CCSER2: variants seen among roughly 807,000 people sequenced by gnomAD.
CCSER2 encodes coiled-coil serine rich protein 2.
In CCSER2, 46 loss-of-function variants were observed where a neutral mutation model predicts 92.3. That is an observed-to-expected ratio of 0.50 (90% confidence interval 0.39 to 0.64). CCSER2 has a LOEUF of 0.64. Ranked by LOEUF, CCSER2 falls within the 30% of genes least tolerant of loss-of-function variation. The pLI is 0.00. For synonymous variants in CCSER2, 433 were observed against 431.4 expected (o/e 1.00, Z -0.04); for missense variants, 1,244 against 1,238.9 (o/e 1.00, Z -0.06).
At position 84,417,846 on chromosome 10, in the gene CCSER2, G is replaced by A. The variant is rs767737665; in HGVS notation, c.1690G>A (p.Ala564Thr). The change falls in exon 4 of 10, where the codon GCA (alanine) becomes ACA (threonine). Residue 564 changes from alanine to threonine, a missense_variant. Coordinates refer to ENST00000372088, the MANE Select transcript of CCSER2 (RefSeq NM_001284240.2). Reference sequence around the variant, plus strand: ...GCTTGATGTGGATCTGCCTGAGGATGCACCTCTTGAAAATGGTAAGTTGAG... The same window carrying A: ...GCTTGATGTGGATCTGCCTGAGGATACACCTCTTGAAAATGGTAAGTTGAG... The part of the protein sequence containing the change: ...LMLDVDLPED[A>T]PLENVECDNM... 1 of 1,560,596 alleles carries A rather than the reference G, an allele frequency of 6.4e-7. No homozygotes were observed. Among genetic ancestry groups the A allele is most frequent in the Non-Finnish European group, 8.8e-7 (1 of 1,131,432 alleles).
At chr10:84,498,382 C>G (rs1302292700) in intron 9 of CCSER2, among the ~76,000 whole-genome samples, 1 of 151,802 alleles carries the variant, frequency 6.6e-6, no homozygotes, top group South Asian at 2.1e-4. Flanking sequence ...ATAATAATTT[C>G]AAAAGATAAG....
Position 84,372,202 on chromosome 10 carries a change from G to T in CCSER2, c.1150G>T (p.Asp384Tyr). ...AAAAAACAACCAGACCATGAAACAT[G>T]ATGCTAAAATGAGATACCTGAGTGA... The part of the protein sequence containing the change: ...RTKNNQTMKH[D>Y]AKMRYLSDDV... The change falls in exon 2 of 10, where the codon GAT becomes TAT. Residue 384 changes from aspartate (D) to tyrosine (Y), a missense_variant. By Grantham distance (160) the Asp-to-Tyr change is radical. Coordinates refer to ENST00000372088, the MANE Select transcript of CCSER2 (RefSeq NM_001284240.2). 1 of 1,613,532 alleles carries T rather than the reference G, an allele frequency of 6.2e-7. No homozygotes were observed. Among genetic ancestry groups the T allele is most frequent in the Non-Finnish European group, 8.5e-7 (1 of 1,179,778 alleles).
Position 84,463,997 on chromosome 10 carries a change from A to T in CCSER2, c.2129A>T (p.Asp710Val). ...LSLPSSPEPE[D>V]GDKVYKNEDL... ...TTGCCATCCAGTCCAGAACCAGAAG[A>T]TGGTGATAAAGTATATAAGGTATGA... Residue 710 changes from aspartate to valine, a missense_variant, in exon 7 of 10, where the codon GAT (aspartate) becomes GTT (valine). Asp to Val is a radical substitution (Grantham distance 152). Coordinates refer to ENST00000372088, the MANE Select transcript of CCSER2 (RefSeq NM_001284240.2). The T allele has an allele frequency of 6.2e-7, 1 of 1,606,930 alleles. No homozygotes were observed. The highest frequency in any genetic ancestry group is 8.5e-7 in the Non-Finnish European group (1 of 1,173,948).
chr10:84,421,922 G>A (rs1843172342), intron 4 of CCSER2, among the ~76,000 whole-genome samples: 1 of 152,172 alleles, frequency 6.6e-6, no homozygotes, highest in Admixed American at 6.5e-5. Context: ...ATGGAGGGCG[G>A]GGAGGGTGAC....
chr10:84,330,946 A>G (rs971885276), intron 1 of CCSER2, among the ~76,000 whole-genome samples: 1 of 152,236 alleles, frequency 6.6e-6, no homozygotes, highest in Non-Finnish European at 1.5e-5. Flanking sequence ...ATTACAGTCC[A>G]GGTCTTTTGA....
At chr10:84,365,086 T>C (rs1033597238) in intron 1 of CCSER2, among the ~76,000 whole-genome samples, 1 of 152,160 alleles carries the variant, frequency 6.6e-6, no homozygotes, top group Non-Finnish European at 1.5e-5. Context: ...GTAAATTTGC[T>C]ATACTTTAAA....
At chr10:84,507,783 A>T (rs1010511743) in intron 9 of CCSER2, among the ~76,000 whole-genome samples, 4 of 152,142 alleles carry the variant, frequency 2.6e-5, no homozygotes, top group African/African-American at 9.7e-5. Flanking sequence ...ATTGGTGGGT[A>T]CTACTTTGCC....
At chr10:84,436,078 C>G (rs1260275022) in intron 5 of CCSER2, among the ~76,000 whole-genome samples, 1 of 152,036 alleles carries the variant, frequency 6.6e-6, no homozygotes, top group Non-Finnish European at 1.5e-5. Context: ...GCCTGTAATC[C>G]CACCACTTTG....
intron 9 of CCSER2, among the ~76,000 whole-genome samples, chr10:84,498,225 G>T (rs1216442061): frequency 1.3e-5 from 2 of 152,190 alleles, no homozygotes; most frequent in African/African-American, 2.4e-5. Context: ...ATTTGGTTGA[G>T]AATTTGTTTA....
At chr10:84,480,418 A>G (rs193250501) in intron 9 of CCSER2, among the ~76,000 whole-genome samples, 44 of 152,326 alleles carry the variant, frequency 2.9e-4, no homozygotes, top group African/African-American at 1.0e-3. Context: ...TCTACAACCA[A>G]GTTAGTTTCA....
chr10:84,388,525 G>A (rs1841349014), intron 3 of CCSER2, among the ~76,000 whole-genome samples: 1 of 152,148 alleles, frequency 6.6e-6, no homozygotes, highest in South Asian at 2.1e-4. Context: ...CTATTAAAAA[G>A]TGACAGCAAA....
At chr10:84,398,424 T>G (rs1363887417) in intron 3 of CCSER2, among the ~76,000 whole-genome samples, 3 of 152,222 alleles carry the variant, frequency 2.0e-5, no homozygotes, top group African/African-American at 7.2e-5. Flanking sequence ...TCAGGAAAAT[T>G]ATTTCATTTC....
chr10:84,366,604 A>T (rs1257254653), intron 1 of CCSER2, among the ~76,000 whole-genome samples: 2 of 152,214 alleles, frequency 1.3e-5, no homozygotes, highest in African/African-American at 4.8e-5. Flanking sequence ...TTGAGGATAG[A>T]ATCTTCCAAG....
chr10:84,404,084 T>A (rs894143899), intron 3 of CCSER2, among the ~76,000 whole-genome samples: 1 of 152,228 alleles, frequency 6.6e-6, no homozygotes, highest in Non-Finnish European at 1.5e-5. Flanking sequence ...TAGCTTTAAA[T>A]TTAACATTCA....
chr10:84,434,148 T>C (rs1244763674), intron 5 of CCSER2, among the ~76,000 whole-genome samples: 1 of 152,180 alleles, frequency 6.6e-6, no homozygotes, highest in African/African-American at 2.4e-5. Flanking sequence ...TCATCTCTTA[T>C]TTTTTATTAC....
intron 6 of CCSER2, among the ~76,000 whole-genome samples, chr10:84,445,786 C>A (rs979080083): frequency 8.5e-5 from 13 of 152,188 alleles, no homozygotes; most frequent in Non-Finnish European, 1.6e-4. Flanking sequence ...TTTTCTGCAT[C>A]ATTCTCATTG....
intron 1 of CCSER2, among the ~76,000 whole-genome samples, chr10:84,360,834 A>G (rs576473856): frequency 1.3e-5 from 2 of 152,382 alleles, no homozygotes; most frequent in South Asian, 2.1e-4. Flanking sequence ...TCTGATACAC[A>G]CAAGCACTGT....
At chr10:84,447,430 T>G (rs1197929753) in intron 6 of CCSER2, among the ~76,000 whole-genome samples, 2 of 152,232 alleles carry the variant, frequency 1.3e-5, no homozygotes, top group African/African-American at 4.8e-5. Context: ...TTTTTGTATA[T>G]TCTAGATGCA....
chr10:84,423,939 G>A (rs1385922234), intron 4 of CCSER2, among the ~76,000 whole-genome samples: 1 of 143,884 alleles, frequency 7.0e-6, no homozygotes, highest in African/African-American at 2.6e-5. Flanking sequence ...TTGAGGCCAG[G>A]ATTTTGAGAC....
Sources: gnomAD v4.1 joint callset for allele counts (sites outside exome capture counted in the v4.1 genomes callset) on GRCh38, gnomAD v4.1.1 for gene constraint, MANE v1.5 for transcripts, NCBI Gene and HGNC (gene_info 2026-07-23, HGNC 2026-07-21) for gene names.